The following TBL1X variants were observed in gnomAD, a reference collection of about 807,000 sequenced individuals.
TBL1X encodes the protein F-box-like/WD repeat-containing protein TBL1X.
Under a neutral mutation model 50.7 loss-of-function variants are expected in TBL1X, and 10 were observed. The ratio of observed to expected loss-of-function variants is 0.20; its 90% CI spans 0.12 to 0.33. The LOEUF is 0.33. Among genes scored for constraint, TBL1X ranks in the 10% least tolerant of loss-of-function variants. The pLI is 1.00. For missense variants in TBL1X, 340 were observed against 504.4 expected, an observed-to-expected ratio of 0.67 and a Z score of 3.12; for synonymous variants, 190 against 214.7, an observed-to-expected ratio of 0.88 and a Z score of 1.01.
chrX:9,660,130 C>G (rs2082889027), intron 5 of TBL1X, among the ~76,000 whole-genome samples: 1 of 113,023 alleles, frequency 8.8e-6, no homozygotes, highest in Non-Finnish European at 1.9e-5. Flanking sequence ...ATTCCGCAGG[C>G]TGGGCCCTGT....
Position 9,719,267 on chromosome X carries a change from C to G in TBL1X, c.*3021C>G, listed in dbSNP as rs1431452752. ...GCCGGACGTTACAGGGTGAAACCCTCTGACCCCTCGCGACACCGTAGGACT... is the reference window on the plus strand; with the variant it reads ...GCCGGACGTTACAGGGTGAAACCCTGTGACCCCTCGCGACACCGTAGGACT... On this transcript the variant is annotated 3_prime_UTR_variant, in exon 18 of 18. Coordinates refer to ENST00000645353, the MANE Select transcript of TBL1X (RefSeq NM_005647.4). The G allele has an allele frequency of 8.9e-6, 1 of 112,291 alleles. No homozygotes were observed. The highest frequency in any genetic ancestry group is 1.9e-5 in the Non-Finnish European group (1 of 53,192). The allele number at this position is 112,291 out of a possible 1,213,427, so 9.3% of individuals were successfully genotyped here.
At chrX:9,590,968 C>T (rs2082496824) in intron 2 of TBL1X, among the ~76,000 whole-genome samples, 1 of 87,737 alleles carries the variant, frequency 1.1e-5, no homozygotes, top group Admixed American at 1.5e-4. Context: ...ATGCCCAAAT[C>T]GTTATGCAGT....
chrX:9,577,485 G>A (rs5933742), intron 2 of TBL1X, among the ~76,000 whole-genome samples: 7,533 of 111,188 alleles, frequency 0.068, 215 homozygotes, highest in Middle Eastern at 0.11. Context: ...TTCTCAAAGC[G>A]GGTGACTTTG....
rs2083269127 is a variant in TBL1X, at chrX:9,714,911, C to G, written c.1615C>G (p.Leu539Val). 1 of 1,210,010 alleles carries G rather than the reference C, an allele frequency of 8.3e-7. No individual in the cohort carries two copies. Among genetic ancestry groups the G allele is most frequent in the Non-Finnish European group, 1.1e-6 (1 of 894,869 alleles). ...CTGCTTTGCTTTGCAGAGTGGAAAT[C>G]TTGTCCACAGCTACCGAGGCACTGG... ...VHIWNTQSGN[L>V]VHSYRGTGGI... The change falls in exon 17 of 18, where the codon CTT (leucine) becomes GTT (valine). Residue 539 changes from leucine (L) to valine (V), a missense_variant. Around this residue, in one of 6 missense-constraint regions of TBL1X, gnomAD observed 170 missense variants for 272.6 expected, o/e 0.62. Transcript: ENST00000645353.
intron 2 of TBL1X, among the ~76,000 whole-genome samples, chrX:9,619,155 G>A (rs752997134): frequency 8.9e-6 from 1 of 112,463 alleles, no homozygotes; most frequent in Non-Finnish European, 1.9e-5. Context: ...AAACAGATAA[G>A]CATCATACAA....
chrX:9,638,622 T>G lies in TBL1X; in HGVS notation c.-130-1651T>G, dbSNP rs993139073. Among the ~76,000 whole-genome samples the G allele has an allele frequency of 1.5e-4, 17 of 112,255 alleles. No individual in the cohort carries two copies. In the Admixed American group the frequency reaches 1.6e-3, roughly 11 times the overall value. On this transcript the variant is annotated intron_variant, in intron 2 of 17. Coordinates refer to ENST00000645353, the MANE Select transcript of TBL1X (RefSeq NM_005647.4). ...CTCTCATTTGTGGGTTACCATCTGT[T>G]TTGGACCAAAGAATAGGAATTTGAT...
intron 11 of TBL1X, among the ~76,000 whole-genome samples, chrX:9,695,815 C>T (rs1378251878): frequency 8.9e-6 from 1 of 112,325 alleles, no homozygotes; most frequent in East Asian, 2.8e-4. Context: ...TCCTGGCCTC[C>T]TTCCTACCTG....
At chrX:9,632,537 C>T (rs1331410400) in intron 2 of TBL1X, among the ~76,000 whole-genome samples, 1 of 111,748 alleles carries the variant, frequency 8.9e-6, no homozygotes, top group African/African-American at 3.3e-5. Flanking sequence ...TCCACCTCGG[C>T]CTCCCAAAGT....
At chrX:9,525,337 T>G (rs1247550802) in intron 2 of TBL1X, among the ~76,000 whole-genome samples, 3 of 112,139 alleles carry the variant, frequency 2.7e-5, no homozygotes, top group Non-Finnish European at 5.6e-5. Context: ...GTATACCTAA[T>G]AGCTCAATAG....
chrX:9,670,565 G>C (rs1374551668), intron 5 of TBL1X, among the ~76,000 whole-genome samples: 1 of 111,981 alleles, frequency 8.9e-6, no homozygotes, highest in Non-Finnish European at 1.9e-5. Context: ...TCCATTGGGT[G>C]GTTACATTAC....
intron 2 of TBL1X, among the ~76,000 whole-genome samples, chrX:9,579,967 A>G (rs776255561): frequency 5.4e-5 from 6 of 111,692 alleles, no homozygotes; most frequent in South Asian, 3.8e-4. Flanking sequence ...CTAAACCACT[A>G]TCATTATTGG....
chrX:9,599,886 G>A (rs940402925), intron 2 of TBL1X, among the ~76,000 whole-genome samples: 2 of 112,002 alleles, frequency 1.8e-5, no homozygotes, highest in Non-Finnish European at 3.8e-5. Flanking sequence ...TTTTTGGGGA[G>A]CGTCTTTATG....
chrX:9,574,484 A>T (rs1277062485), intron 2 of TBL1X, among the ~76,000 whole-genome samples: 1 of 103,296 alleles, frequency 9.7e-6, no homozygotes, highest in Non-Finnish European at 2.0e-5. Context: ...AAAAAAAAAA[A>T]GTACTTGTTG....
chrX:9,549,521 C>T (rs183735851), intron 2 of TBL1X, among the ~76,000 whole-genome samples: 7 of 111,937 alleles, frequency 6.3e-5, no homozygotes, highest in Non-Finnish European at 1.1e-4. Context: ...TGCCTTTCTG[C>T]TCACTGAAGC....
At chrX:9,635,318 G>A (rs868859361) in intron 2 of TBL1X, among the ~76,000 whole-genome samples, 16 of 110,724 alleles carry the variant, frequency 1.4e-4, no homozygotes, top group Non-Finnish European at 1.3e-4. Flanking sequence ...GGGCGGCAGC[G>A]GGCACTGTCT....
At chrX:9,484,717 G>A (rs935852362) in intron 1 of TBL1X, among the ~76,000 whole-genome samples, 9 of 109,626 alleles carry the variant, frequency 8.2e-5, no homozygotes, top group African/African-American at 2.3e-4. Context: ...TAATGCTGCT[G>A]TAAATGTTTA....
intron 2 of TBL1X, among the ~76,000 whole-genome samples, chrX:9,602,952 G>C (rs915519408): frequency 8.9e-6 from 1 of 112,481 alleles, no homozygotes; most frequent in Admixed American, 9.4e-5. Context: ...CGTTGTGAAC[G>C]AGAAGCCCCA....
rs7886715 is a variant in TBL1X at position 9,646,446 on chromosome X, G to A, written c.-43+6086G>A. Reference sequence around the variant, plus strand: ...TTCTGTCTTAAGCTGGTTACTGATTGTGAAATGAAAATAAACTCAGTTTAC... The same window carrying A: ...TTCTGTCTTAAGCTGGTTACTGATTATGAAATGAAAATAAACTCAGTTTAC... On this transcript the variant is annotated intron_variant, in intron 3 of 17. Coordinates refer to ENST00000645353, the MANE Select transcript of TBL1X (RefSeq NM_005647.4). Among the ~76,000 whole-genome samples the A allele has an allele frequency of 8.7e-3, 981 of 112,533 alleles. 10 individuals are homozygous for A. The highest frequency in any genetic ancestry group is 0.03 in the African/African-American group (936 of 30,996).
chrX:9,494,448 A>G (rs1297787095), intron 1 of TBL1X, among the ~76,000 whole-genome samples: 1 of 111,828 alleles, frequency 8.9e-6, no homozygotes, highest in East Asian at 2.8e-4. Flanking sequence ...TTATCTCATT[A>G]TCTTAGTTCT....
Sources: allele counts gnomAD v4.1 joint callset (sites outside exome capture counted in the v4.1 genomes callset), GRCh38; gene constraint gnomAD v4.1.1; regional missense constraint gnomAD v4.1.1; transcripts MANE v1.5; gene names NCBI Gene and HGNC (gene_info 2026-07-23, HGNC 2026-07-21).